Variants in NRG3 observed in about 807,000 individuals in gnomAD.
NRG3 encodes the protein pro-neuregulin-3, membrane-bound isoform.
In NRG3, 31 loss-of-function variants were observed where a neutral mutation model predicts 66.9. That is an observed-to-expected ratio of 0.46 (90% CI 0.35 to 0.63). The LOEUF (loss-of-function observed/expected upper bound fraction) is 0.63. Among genes scored for constraint, NRG3 ranks in the 20% least tolerant of loss-of-function variants. NRG3 has a pLI of 0.00. For missense variants in NRG3, 910 were observed against 878.9 expected (o/e 1.04, Z -0.45); for synonymous variants, 393 against 359.4 (o/e 1.09, Z -1.06).
At chr10:82,178,212 CAT>C (rs1309030907) in intron 1 of NRG3, among the ~76,000 whole-genome samples, 3 of 152,100 alleles carry the variant, frequency 2.0e-5, no homozygotes, top group African/African-American at 7.2e-5. Context: ...GATGTACATG[CAT>C]ATGTTTCATT....
At chr10:82,170,330 T>C (rs1190767718) in intron 1 of NRG3, among the ~76,000 whole-genome samples, 1 of 152,012 alleles carries the variant, frequency 6.6e-6, no homozygotes, top group Non-Finnish European at 1.5e-5. Flanking sequence ...AGAGCAAGCA[T>C]GTGGCCGGGT....
intron 2 of NRG3, among the ~76,000 whole-genome samples, chr10:82,542,270 G>T (rs2043596398): frequency 6.6e-6 from 1 of 152,084 alleles, no homozygotes; most frequent in Non-Finnish European, 1.5e-5. Context: ...AGAAATAGCT[G>T]ATTACTAGAC....
At chr10:81,966,806 A>G (rs1480284968) in intron 1 of NRG3, among the ~76,000 whole-genome samples, 2 of 152,168 alleles carry the variant, frequency 1.3e-5, no homozygotes, top group Non-Finnish European at 2.9e-5. Context: ...TTCCTAGGAA[A>G]TTAGTCCTAT....
At chr10:82,982,234 C>T (rs1295815768) in intron 8 of NRG3, among the ~76,000 whole-genome samples, 3 of 152,258 alleles carry the variant, frequency 2.0e-5, no homozygotes, top group Non-Finnish European at 2.9e-5. Context: ...GGTTTGGAGT[C>T]GCCTAGAGAA....
intron 1 of NRG3, among the ~76,000 whole-genome samples, chr10:82,021,786 ATG>A (rs71950373): frequency 0.13 from 7,789 of 60,358 alleles, 206 homozygotes; most frequent in South Asian, 0.2. Flanking sequence ...GGCATGTAGT[ATG>A]TGTGTGTGTG....
chr10:82,278,398 A>G (rs1474467040), intron 1 of NRG3, among the ~76,000 whole-genome samples: 1 of 152,034 alleles, frequency 6.6e-6, no homozygotes, highest in African/African-American at 2.4e-5. Context: ...TCCTATAGCT[A>G]TAGGGGAAGG....
chr10:82,061,909 T>C (rs2064176523), intron 1 of NRG3, among the ~76,000 whole-genome samples: 1 of 151,396 alleles, frequency 6.6e-6, no homozygotes, highest in South Asian at 2.1e-4. Flanking sequence ...CTTAAAAGGA[T>C]AGTGATACTT....
At chr10:82,524,666 A>G (rs952218644) in intron 2 of NRG3, among the ~76,000 whole-genome samples, 2 of 151,944 alleles carry the variant, frequency 1.3e-5, no homozygotes, top group African/African-American at 2.4e-5. Context: ...GGTAATATAA[A>G]ATCTGCTCTT....
chr10:82,255,597 C>CA (rs1234760963), intron 1 of NRG3, among the ~76,000 whole-genome samples: 2 of 151,412 alleles, frequency 1.3e-5, no homozygotes, highest in Non-Finnish European at 2.9e-5. Flanking sequence ...TTTTAAAAAA[C>CA]AAAAAACAAA....
intron 6 of NRG3, among the ~76,000 whole-genome samples, chr10:82,961,671 A>G (rs1850654743): frequency 6.6e-6 from 1 of 152,214 alleles, no homozygotes; most frequent in South Asian, 2.1e-4. Context: ...GCGCTGATGA[A>G]CATCCTTCAA....
chr10:81,975,548 G>T (rs2060093125), intron 1 of NRG3, among the ~76,000 whole-genome samples: 1 of 152,052 alleles, frequency 6.6e-6, no homozygotes, highest in Non-Finnish European at 1.5e-5. Context: ...GGGGAAAAGG[G>T]AAAGGCAGGC....
chr10:82,572,486 A>G (rs1407605379), intron 2 of NRG3, among the ~76,000 whole-genome samples: 1 of 151,740 alleles, frequency 6.6e-6, no homozygotes, highest in East Asian at 1.9e-4. Context: ...CTTTGCAGTA[A>G]TAGTTCTGAA....
chr10:82,446,204 A>G (rs2090711794), intron 2 of NRG3, among the ~76,000 whole-genome samples: 2 of 152,214 alleles, frequency 1.3e-5, no homozygotes. Flanking sequence ...CATCTTTCTC[A>G]CAGGATCATG....
At chr10:81,910,103 G>A (rs1183673688) in intron 1 of NRG3, among the ~76,000 whole-genome samples, 1 of 152,136 alleles carries the variant, frequency 6.6e-6, no homozygotes, top group African/African-American at 2.4e-5. Context: ...TTCAGCCAGA[G>A]GGTTTTCTCA....
chr10:82,758,915 A>G (rs2059188222), intron 3 of NRG3, among the ~76,000 whole-genome samples: 1 of 151,604 alleles, frequency 6.6e-6, no homozygotes, highest in African/African-American at 2.4e-5. Context: ...CTCTGTGGTG[A>G]TAAGTAAAAT....
intron 4 of NRG3, among the ~76,000 whole-genome samples, chr10:82,942,721 G>T (rs935879025): frequency 1.3e-5 from 2 of 152,216 alleles, no homozygotes; most frequent in African/African-American, 4.8e-5. Flanking sequence ...ATGCATGGTT[G>T]TTGCATGCGT....
At chr10:82,335,070 A>G (rs904731777) in intron 1 of NRG3, among the ~76,000 whole-genome samples, 1 of 152,198 alleles carries the variant, frequency 6.6e-6, no homozygotes, top group Admixed American at 6.5e-5. Context: ...TATGCCAACA[A>G]TCAGCCCACT....
rs12267247 is a variant in NRG3 at position 82,025,226 on chromosome 10, A to G, written c.823+149063A>G. On this transcript the variant is annotated intron_variant, in intron 1 of 8. Coordinates refer to ENST00000372141, the MANE Select transcript of NRG3 (RefSeq NM_001010848.4). ...TGGAATACTTCATATATTTCTTATA[A>G]TATTAAATATCTTATTAATATTTTA... Among the ~76,000 whole-genome samples, 889 of 150,696 alleles carry G rather than the reference A, an allele frequency of 5.9e-3. 9 individuals are homozygous for G. The highest frequency in any genetic ancestry group is 0.02 in the African/African-American group (843 of 41,330).
chr10:82,391,325 G>A (rs2086350790), intron 2 of NRG3, among the ~76,000 whole-genome samples: 1 of 152,140 alleles, frequency 6.6e-6, no homozygotes, highest in Admixed American at 6.5e-5. Flanking sequence ...GCCCAGAACA[G>A]AAAGAACACA....
Sources: gnomAD v4.1 joint callset for allele counts (sites outside exome capture counted in the v4.1 genomes callset) on GRCh38, gnomAD v4.1.1 for gene constraint, MANE v1.5 for transcripts, NCBI Gene and HGNC (gene_info 2026-07-23, HGNC 2026-07-21) for gene names.